The following SMAP2 variants were observed in gnomAD, a reference collection of about 807,000 sequenced individuals.
SMAP2 encodes the protein stromal membrane-associated protein 2.
A neutral mutation model predicts 56.4 loss-of-function variants in SMAP2; 25 were observed. That is an observed-to-expected ratio of 0.44 (90% CI 0.32 to 0.62). The LOEUF (loss-of-function observed/expected upper bound fraction) is 0.62, where lower values mean the gene tolerates loss of function less well. Ranked by LOEUF, SMAP2 falls within the 20% of genes least tolerant of loss-of-function variation. SMAP2 has a pLI of 0.04. For missense variants in SMAP2, 388 were observed against 545.6 expected, an observed-to-expected ratio of 0.71 and a Z score of 2.88; for synonymous variants, 157 against 181.7, an observed-to-expected ratio of 0.86 and a Z score of 1.09.
Position 40,416,163 on chromosome 1 carries a change from T to C in SMAP2, c.682-13T>C. The stretch of plus-strand genomic sequence containing the variant: ...AACCATTTCAATTCTCCCCCCGCCC[T>C]CTTTGCCCTAAGGTTGTAGGTTCCA... On this transcript the variant is annotated splice_polypyrimidine_tract_variant and intron_variant, in intron 7 of 9. Coordinates refer to ENST00000372718, the MANE Select transcript of SMAP2 (RefSeq NM_022733.3). 2 of 1,610,052 alleles carry C rather than the reference T, an allele frequency of 1.2e-6. No homozygotes were observed. The highest frequency in any genetic ancestry group is 1.7e-6 in the Non-Finnish European group (2 of 1,177,894).
At chr1:40,375,508 G>T (rs1644532791) in intron 1 of SMAP2, among the ~76,000 whole-genome samples, 1 of 152,228 alleles carries the variant, frequency 6.6e-6, no homozygotes, top group South Asian at 2.1e-4. Flanking sequence ...ATGTATTTTA[G>T]TGACCTCTAC....
intron 1 of SMAP2, among the ~76,000 whole-genome samples, chr1:40,359,570 G>A (rs1644451021): frequency 6.6e-6 from 1 of 152,042 alleles, no homozygotes; most frequent in African/African-American, 2.4e-5. Flanking sequence ...TTGTTTTCTG[G>A]TTGTTTTGTG....
At chr1:40,363,030 T>C (rs1644466110) in intron 2 of SMAP2, among the ~76,000 whole-genome samples, 1 of 152,056 alleles carries the variant, frequency 6.6e-6, no homozygotes, top group Non-Finnish European at 1.5e-5. Context: ...CATAGGTTCA[T>C]AGAAAATTAA....
At chr1:40,401,879 A>G (rs930800643) in intron 1 of SMAP2, among the ~76,000 whole-genome samples, 2 of 152,352 alleles carry the variant, frequency 1.3e-5, no homozygotes, top group Admixed American at 1.3e-4. Flanking sequence ...TGACTGATCA[A>G]CCAAATCCAT....
chr1:40,393,826 T>C (rs920572358), intron 1 of SMAP2, among the ~76,000 whole-genome samples: 2 of 152,132 alleles, frequency 1.3e-5, no homozygotes, highest in Non-Finnish European at 2.9e-5. Flanking sequence ...GATTAAGGCG[T>C]GAGGCACCGC....
intron 1 of SMAP2, chr1:40,393,601 A>C (rs1478847023): frequency 1.9e-5 from 23 of 1,213,694 alleles, no homozygotes; most frequent in Non-Finnish European, 1.3e-5. Context: ...GCTGGAGTAC[A>C]GTGGCTCAAT....
chr1:40,396,899 C>G (rs1644777458), intron 1 of SMAP2: 1 of 971,484 alleles, frequency 1.0e-6, no homozygotes, highest in African/African-American at 1.8e-5. Flanking sequence ...AGGTAACTGG[C>G]ACTAGATTTG....
chr1:40,400,975 G>A (rs1644827747), intron 1 of SMAP2, among the ~76,000 whole-genome samples: 1 of 152,100 alleles, frequency 6.6e-6, no homozygotes, highest in Non-Finnish European at 1.5e-5. Context: ...GAGAACCAAT[G>A]CTGGTTGGGC....
rs944075665 is a variant in SMAP2, at chr1:40,354,426, C to T, written c.-82-7874C>T. On this transcript the variant is annotated intron_variant, in intron 1 of 6. Coordinates refer to the SMAP2 transcript ENST00000435168. The stretch of plus-strand genomic sequence containing the variant: ...CGTGATCCCGGCTCACTGATCTCCG[C>T]CTCCCGGGTTCAAGTGATTCTCCTG... 2.0e-5 allele frequency among the ~76,000 whole-genome samples: 3 copies of T among 152,008 alleles called. No homozygotes were observed. The East Asian group carries it at 5.8e-4, about 29-fold the overall frequency.
intron 1 of SMAP2, among the ~76,000 whole-genome samples, chr1:40,351,971 C>T (rs1040973274): frequency 1.3e-5 from 2 of 152,082 alleles, no homozygotes; most frequent in African/African-American, 4.8e-5. Context: ...ATGCACATCC[C>T]TGCAAATCTG....
chr1:40,351,394 A>G (rs1644408362), intron 1 of SMAP2, among the ~76,000 whole-genome samples: 1 of 152,208 alleles, frequency 6.6e-6, no homozygotes, highest in Non-Finnish European at 1.5e-5. Context: ...TGTCTTTTCT[A>G]GTTAACCTGG....
intron 1 of SMAP2, among the ~76,000 whole-genome samples, chr1:40,359,994 C>CT (rs1644452682): frequency 7.7e-6 from 1 of 130,358 alleles, no homozygotes; most frequent in Admixed American, 8.9e-5. Flanking sequence ...CTTTTTTCTT[C>CT]TTCTTCTTTC....
At chr1:40,373,268 A>G (rs1644509461), upstream of SMAP2, among the ~76,000 whole-genome samples, 1 of 152,136 alleles carries the variant, frequency 6.6e-6, no homozygotes, top group Non-Finnish European at 1.5e-5. Context: ...GGAGGGGGTG[A>G]CGTTCCTATA....
intron 1 of SMAP2, chr1:40,403,752 T>C (rs776699955): frequency 8.9e-6 from 6 of 674,096 alleles, no homozygotes; most frequent in Non-Finnish European, 1.1e-5. Flanking sequence ...GAAATGTAAG[T>C]ATCTCTCAGA....
At chr1:40,358,025 T>C (rs749127960) in intron 1 of SMAP2, among the ~76,000 whole-genome samples, 2 of 152,182 alleles carry the variant, frequency 1.3e-5, no homozygotes, top group Non-Finnish European at 2.9e-5. Context: ...TTAGGCAATA[T>C]GAATATTTTA....
chr1:40,351,097 C>G (rs1466565766), intron 1 of SMAP2, among the ~76,000 whole-genome samples: 1 of 152,192 alleles, frequency 6.6e-6, no homozygotes, highest in East Asian at 1.9e-4. Context: ...GGAAAAGAAT[C>G]CTCTCTTGTT....
chr1:40,381,637 T>G, intron 1 of SMAP2, among the ~76,000 whole-genome samples: 1 of 152,124 alleles, frequency 6.6e-6, no homozygotes, highest in Admixed American at 6.6e-5. Flanking sequence ...GTCAGGATAC[T>G]GTAAGGTTAA....
chr1:40,401,437 C>T (rs568367769), intron 1 of SMAP2, among the ~76,000 whole-genome samples: 46 of 152,126 alleles, frequency 3.0e-4, no homozygotes, highest in Non-Finnish European at 6.2e-4. Flanking sequence ...TTGACAGGTC[C>T]GTTATGCCAG....
intron 1 of SMAP2, among the ~76,000 whole-genome samples, chr1:40,356,864 G>A (rs7524561): frequency 0.14 from 20,946 of 152,094 alleles, 1,605 homozygotes; most frequent in East Asian, 0.24. Context: ...ATTTTAACTG[G>A]GGTGAGATAA....
Sources: allele counts gnomAD v4.1 joint callset (sites outside exome capture counted in the v4.1 genomes callset), GRCh38; gene constraint gnomAD v4.1.1; transcripts MANE v1.5; gene names NCBI Gene and HGNC (gene_info 2026-07-23, HGNC 2026-07-21).